Variants in PDE10A observed in about 807,000 individuals in gnomAD.
PDE10A encodes phosphodiesterase 10A.
A neutral mutation model predicts 97.7 loss-of-function variants in PDE10A; 39 were observed. The observed-to-expected ratio is 0.40, with a 90% CI of 0.31 to 0.52. PDE10A has a LOEUF of 0.52. PDE10A is among the 20% of genes least tolerant of loss of function. The pLI is 0.56. For missense variants in PDE10A, 731 were observed against 1,047.8 expected (o/e 0.70, Z 4.17); for synonymous variants, 371 against 376.8 (o/e 0.98, Z 0.18).
chr6:165,563,438 C>A (rs1272681504), intron 1 of PDE10A, among the ~76,000 whole-genome samples: 1 of 152,152 alleles, frequency 6.6e-6, no homozygotes, highest in African/African-American at 2.4e-5. Flanking sequence ...GTATAGACAT[C>A]ATTTCTTGGT....
intron 1 of PDE10A, among the ~76,000 whole-genome samples, chr6:165,746,237 A>G (rs549733930): frequency 1.2e-3 from 184 of 152,292 alleles, no homozygotes; most frequent in African/African-American, 4.2e-3. Context: ...TACCAAAAAC[A>G]ATTTGTTCAT....
chr6:165,403,226 G>A (rs1290271520), intron 13 of PDE10A, among the ~76,000 whole-genome samples: 4 of 152,184 alleles, frequency 2.6e-5, no homozygotes, highest in African/African-American at 2.4e-5. Context: ...GCACTGTGTT[G>A]CCACATCATT....
chr6:165,619,560 T>G (rs931132188), intron 1 of PDE10A, among the ~76,000 whole-genome samples: 1 of 140,030 alleles, frequency 7.1e-6, no homozygotes, highest in Non-Finnish European at 1.6e-5. Context: ...TAGTCTAGTG[T>G]AGTATACTGT....
At chr6:165,892,148 T>C (rs564703545) in intron 1 of PDE10A, among the ~76,000 whole-genome samples, 1 of 152,278 alleles carries the variant, frequency 6.6e-6, no homozygotes, top group African/African-American at 2.4e-5. Context: ...AAATTTTCAG[T>C]TCCAAAGAAA....
At chr6:165,667,788 T>C (rs1433986287), upstream of PDE10A, among the ~76,000 whole-genome samples, 1 of 152,206 alleles carries the variant, frequency 6.6e-6, no homozygotes. Context: ...TATGTAGCCA[T>C]GAAGATACTG....
chr6:165,459,888 C>A (rs1447003340), intron 3 of PDE10A, among the ~76,000 whole-genome samples: 1 of 152,092 alleles, frequency 6.6e-6, no homozygotes, highest in African/African-American at 2.4e-5. Flanking sequence ...AAAAAATCAG[C>A]GAGTCAGGCC....
At chr6:165,601,666 T>C (rs527537446) in intron 1 of PDE10A, among the ~76,000 whole-genome samples, 1 of 152,232 alleles carries the variant, frequency 6.6e-6, no homozygotes, top group African/African-American at 2.4e-5. Context: ...GGTAACTACT[T>C]AGTGTTTCTC....
rs547060440 is a variant in PDE10A, at chr6:165,334,361, G to A, written c.3066-1234C>T. On this transcript the variant is annotated intron_variant, in intron 21 of 21. Coordinates refer to ENST00000539869, the MANE Select transcript of PDE10A (RefSeq NM_001385079.1). The stretch of plus-strand genomic sequence containing the variant: ...TAGCGCCCTACAGCGCCGGGCACGC[G>A]CCTCCATAGCGCCCTACAGCGCCGG... 1.0e-4 allele frequency among the ~76,000 whole-genome samples: 15 copies of A among 149,950 alleles called. No homozygotes were observed. The East Asian group carries it at 1.8e-3, about 18-fold the overall frequency.
At chr6:165,381,529 A>T (rs1020358521) in intron 17 of PDE10A, among the ~76,000 whole-genome samples, 6 of 151,870 alleles carry the variant, frequency 4.0e-5, no homozygotes, top group Admixed American at 1.3e-4. Flanking sequence ...GCTGGAGTGG[A>T]TCTCTGCTCA....
At chr6:165,548,276 CTTTTT>C (rs57134252) in intron 1 of PDE10A, among the ~76,000 whole-genome samples, 1,648 of 105,588 alleles carry the variant, frequency 0.016, 28 homozygotes, top group African/African-American at 0.057. Context: ...CTTTAAATCT[CTTTTT>C]TTTTTTTTTT....
chr6:165,877,907 G>A (rs1235486052), intron 1 of PDE10A, among the ~76,000 whole-genome samples: 2 of 152,202 alleles, frequency 1.3e-5, no homozygotes, highest in East Asian at 3.8e-4. Flanking sequence ...GCCTCAGAGA[G>A]ACTAAGTAAT....
chr6:165,467,569 A>C (rs528604223), intron 3 of PDE10A, among the ~76,000 whole-genome samples: 67 of 152,340 alleles, frequency 4.4e-4, no homozygotes, highest in African/African-American at 1.6e-3. Flanking sequence ...CAAGGACATC[A>C]CATCTGTTTT....
At chr6:165,469,210 G>C (rs1444099355) in intron 3 of PDE10A, among the ~76,000 whole-genome samples, 1 of 152,192 alleles carries the variant, frequency 6.6e-6, no homozygotes, top group Non-Finnish European at 1.5e-5. Context: ...GTTCGCGTCT[G>C]TAATCTGTTG....
At chr6:165,764,323 C>T (rs184643236) in intron 1 of PDE10A, among the ~76,000 whole-genome samples, 124 of 152,288 alleles carry the variant, frequency 8.1e-4, no homozygotes, top group Middle Eastern at 3.4e-3. Context: ...TATTATAAAC[C>T]TATTTAGAAA....
chr6:165,552,346 C>T (rs915403721), intron 1 of PDE10A, among the ~76,000 whole-genome samples: 3 of 152,200 alleles, frequency 2.0e-5, no homozygotes, highest in African/African-American at 7.2e-5. Context: ...GCAAGGTCAG[C>T]CCTTGGCTGG....
chr6:165,739,435 C>G (rs1395152118), intron 1 of PDE10A, among the ~76,000 whole-genome samples: 1 of 152,156 alleles, frequency 6.6e-6, no homozygotes, highest in Non-Finnish European at 1.5e-5. Context: ...TGGATATTCA[C>G]AGCCAAAAGA....
At chr6:165,653,219 C>T (rs1171756632) in intron 1 of PDE10A, among the ~76,000 whole-genome samples, 1 of 152,190 alleles carries the variant, frequency 6.6e-6, no homozygotes, top group Admixed American at 6.5e-5. Flanking sequence ...TTTATTCATT[C>T]ATTCAACTTA....
intron 1 of PDE10A, among the ~76,000 whole-genome samples, chr6:165,558,006 C>A (rs1016624500): frequency 1.5e-4 from 23 of 152,130 alleles, no homozygotes; most frequent in African/African-American, 5.3e-4. Context: ...TCTTGACATG[C>A]AATATATAAC....
At chr6:165,972,976 C>T (rs1433399834) in intron 1 of PDE10A, among the ~76,000 whole-genome samples, 1 of 152,100 alleles carries the variant, frequency 6.6e-6, no homozygotes, top group East Asian at 1.9e-4. Flanking sequence ...TCTCTTCTCC[C>T]CTTCCCCTCA....
Sources: allele counts gnomAD v4.1 joint callset (sites outside exome capture counted in the v4.1 genomes callset), GRCh38; gene constraint gnomAD v4.1.1; transcripts MANE v1.5; gene names NCBI Gene and HGNC (gene_info 2026-07-23, HGNC 2026-07-21).